PLXNA1: variants seen among roughly 807,000 people sequenced by gnomAD.
PLXNA1 encodes plexin A1.
In PLXNA1, 77 loss-of-function variants were observed where a neutral mutation model predicts 191.7. That is an observed-to-expected ratio of 0.40 (90% confidence interval 0.33 to 0.49). The LOEUF (loss-of-function observed/expected upper bound fraction) is 0.49, where lower values mean the gene tolerates loss of function less well. Ranked by LOEUF, PLXNA1 falls within the 20% of genes least tolerant of loss-of-function variation. The pLI is 0.63. For missense variants in PLXNA1, 2,110 were observed against 2,660.2 expected, an observed-to-expected ratio of 0.79 and a Z score of 4.55; for synonymous variants, 1,137 against 1,156.4, an observed-to-expected ratio of 0.98 and a Z score of 0.34.
At chr3:127,011,498 C>A (rs568380835) in intron 9 of PLXNA1, among the ~76,000 whole-genome samples, 1 of 152,226 alleles carries the variant, frequency 6.6e-6, no homozygotes, top group African/African-American at 2.4e-5. Context: ...TCTCCTGAGG[C>A]CAGCAGCAGC....
chr3:127,011,876 A>G (rs2079097292), intron 9 of PLXNA1, 82 bp from the exon 10 acceptor site: 1 of 1,291,184 alleles, frequency 7.7e-7, no homozygotes, highest in East Asian at 2.3e-5. Context: ...CCACAGGCCC[A>G]GTGCACATCT....
At chr3:127,032,258 G>A in intron 29 of PLXNA1, 129 bp from the exon 30 acceptor site, 3 of 904,444 alleles carry the variant, frequency 3.3e-6, no homozygotes, top group Non-Finnish European at 5.0e-6. Flanking sequence ...CTGCACCTCT[G>A]TGGGCCTCGT....
intron 9 of PLXNA1, among the ~76,000 whole-genome samples, chr3:127,009,583 GTC>G (rs1368968129): frequency 1.4e-3 from 135 of 99,622 alleles, no homozygotes; most frequent in African/African-American, 5.0e-3. Context: ...CCCTCTTTCC[GTC>G]TCTGTTTCTG....
At chr3:127,030,447 A>T in intron 29 of PLXNA1, 35 bp downstream of exon 29, 1 of 1,608,534 alleles carries the variant, frequency 6.2e-7, no homozygotes, top group Non-Finnish European at 8.5e-7. Flanking sequence ...GGCATCCCCC[A>T]GGGCCAGGCC....
intron 29 of PLXNA1, among the ~76,000 whole-genome samples, chr3:127,031,072 G>A (rs564729319): frequency 7.2e-5 from 11 of 152,232 alleles, no homozygotes; most frequent in East Asian, 1.9e-4. Flanking sequence ...GCTTTCCTCC[G>A]GCCTGGCCCA....
In PLXNA1 at chr3:127,029,853, GC is replaced by G; in HGVS notation, c.4871-20del. 6.3e-7 allele frequency: 1 copy of G among 1,581,212 alleles called. No homozygotes were observed. Among genetic ancestry groups the G allele is most frequent in the Non-Finnish European group, 8.6e-7 (1 of 1,157,874 alleles). ...GTGCGGGGTGCCAGCCAACGCGGGC[GC>G]TGACAGCCTGGTGCTGCAGAGAGCA... On this transcript the variant is annotated intron_variant, in intron 27 of 31. Coordinates refer to ENST00000393409, the MANE Select transcript of PLXNA1 (RefSeq NM_032242.4).
Position 127,014,553 on chromosome 3 carries a change from G to A in PLXNA1, c.2680G>A (p.Glu894Lys), listed in dbSNP as rs752361197. The part of the protein sequence containing the change: ...ITGENLGLRF[E>K]DVRLGVRVGK... ...AGGCGAGAACCTGGGCCTGCGATTC[G>A]AAGACGTGCGTCTGGGCGTGCGCGT... Residue 894 changes from glutamate to lysine, a missense_variant, in exon 13 of 32, where the codon GAA (glutamate) becomes AAA (lysine). Transcript: ENST00000393409. 3.9e-5 allele frequency: 63 copies of A among 1,612,116 alleles called. No individual in the cohort carries two copies. Among genetic ancestry groups the A allele is most frequent in the Admixed American group, 3.3e-5 (2 of 60,010 alleles).
chr3:126,985,418 C>G (rs1296272338), intron 1 of PLXNA1, among the ~76,000 whole-genome samples: 1 of 152,114 alleles, frequency 6.6e-6, no homozygotes, highest in African/African-American at 2.4e-5. Flanking sequence ...CTGGCCATGC[C>G]GGAGAGCCAC....
At chr3:127,028,524 T>C (rs9838548) in intron 25 of PLXNA1, among the ~76,000 whole-genome samples, 184 bp downstream of exon 25, 51,755 of 152,010 alleles carry the variant, frequency 0.34, 10,766 homozygotes, top group African/African-American at 0.59. Context: ...GCTGCCCTGC[T>C]CTGGGCAGAG....
At chr3:127,008,052 C>A in intron 9 of PLXNA1, 139 bp downstream of exon 9, 1 of 588,302 alleles carries the variant, frequency 1.7e-6, no homozygotes, top group Non-Finnish European at 3.0e-6. Flanking sequence ...GGTGCATGCA[C>A]CACCAGGCTG....
chr3:127,005,302 G>T, intron 7 of PLXNA1, 59 bp downstream of exon 7: 6 of 1,534,420 alleles, frequency 3.9e-6, no homozygotes, highest in Non-Finnish European at 5.3e-6. Flanking sequence ...CTGCAATCCA[G>T]TTGCCGCCTG....
At position 127,022,265 on chromosome 3, in the gene PLXNA1, G is replaced by A. The variant is rs73196567; in HGVS notation, c.4219G>A (p.Val1407Met). The part of the protein sequence containing the change: ...LQGEMEYATG[V>M]LKQLLSDLIE... ...GGGCGAGATGGAATACGCCACAGGC[G>A]TGCTCAAGCAGCTGCTTTCCGACCT... is the stretch of plus-strand genomic sequence containing the variant. Residue 1407 changes from valine (V) to methionine (M), a missense_variant, in exon 22 of 32, where the codon GTG becomes ATG. By Grantham distance (21) the Val-to-Met change is conservative. Around this residue, in one of 4 missense-constraint regions of PLXNA1, gnomAD observed 559 missense variants for 911.5 expected, o/e 0.61. Coordinates refer to ENST00000393409, the MANE Select transcript of PLXNA1 (RefSeq NM_032242.4). The A allele has an allele frequency of 1.5e-5, 25 of 1,613,548 alleles. No homozygotes were observed. Among genetic ancestry groups the A allele is most frequent in the East Asian group, 1.1e-4 (5 of 44,878 alleles).
chr3:126,999,039 TC>T (rs2079027469), intron 3 of PLXNA1, among the ~76,000 whole-genome samples: 1 of 152,132 alleles, frequency 6.6e-6, no homozygotes. Context: ...CTAGAACCTG[TC>T]CACAGCTGGA....
intron 3 of PLXNA1, among the ~76,000 whole-genome samples, chr3:126,999,323 C>T (rs563631640): frequency 6.6e-5 from 10 of 152,346 alleles, no homozygotes; most frequent in South Asian, 2.1e-4. Flanking sequence ...GCTGCTGCCC[C>T]GGTCTTTGCC....
In PLXNA1 at chr3:126,988,614, C is replaced by T. The variant is rs1429279394; in HGVS notation, c.21C>T (p.Ser7=). The change falls in exon 2 of 32, where the codon AGC becomes AGT. Residue 7 remains serine (S), a synonymous_variant. Coordinates refer to ENST00000393409, the MANE Select transcript of PLXNA1 (RefSeq NM_032242.4). ...CTGCCATGCCGCTGCCACCGCGGAG[C>T]CTGCAGGTGCTCCTGCTGCTGCTGC... MPLPPR[S]LQVLLLLLLL... The T allele has an allele frequency of 6.4e-7, 1 of 1,554,650 alleles. No homozygotes were observed. Among genetic ancestry groups the T allele is most frequent in the East Asian group, 2.3e-5 (1 of 43,740 alleles).
intron 3 of PLXNA1, among the ~76,000 whole-genome samples, chr3:127,002,193 G>T (rs1235936704): frequency 6.6e-6 from 1 of 152,226 alleles, no homozygotes; most frequent in Non-Finnish European, 1.5e-5. Context: ...AGTGCAGCTG[G>T]GCCCATCCTG....
chr3:127,008,596 G>A (rs545175476), intron 9 of PLXNA1, among the ~76,000 whole-genome samples: 25 of 152,254 alleles, frequency 1.6e-4, no homozygotes, highest in African/African-American at 5.1e-4. Flanking sequence ...CATCCCCACC[G>A]GGTCTGGCTG....
chr3:126,988,734 C>T lies in PLXNA1; in HGVS notation c.141C>T (p.Ser47=), dbSNP rs781271756. The part of the protein sequence containing the change: ...SQPPFRTFSA[S]DWGLTHLVVH... ...CCCCCTTCCGCACCTTCTCGGCCAG[C>T]GACTGGGGCCTCACCCACCTAGTGG... The change falls in exon 2 of 32, where the codon AGC becomes AGT. Residue 47 remains serine, a synonymous_variant. Coordinates refer to ENST00000393409, the MANE Select transcript of PLXNA1 (RefSeq NM_032242.4). 5.7e-6 allele frequency: 9 copies of T among 1,583,550 alleles called. No homozygotes were observed. Among genetic ancestry groups the T allele is most frequent in the South Asian group, 1.2e-5 (1 of 85,766 alleles).
intron 23 of PLXNA1, chr3:127,026,690 A>G (rs1223718183): frequency 6.6e-6 from 1 of 152,272 alleles, no homozygotes; most frequent in Non-Finnish European, 1.5e-5. Flanking sequence ...CGCAGATGCT[A>G]ACGAGGTGCC....
Sources: allele counts gnomAD v4.1 joint callset (sites outside exome capture counted in the v4.1 genomes callset), GRCh38; gene constraint gnomAD v4.1.1; regional missense constraint gnomAD v4.1.1; transcripts MANE v1.5; gene names NCBI Gene and HGNC (gene_info 2026-07-23, HGNC 2026-07-21).